RIMS2: variants seen among roughly 807,000 people sequenced by gnomAD.
RIMS2 encodes regulating synaptic membrane exocytosis 2, also known as regulating synaptic membrane exocytosis protein 2.
Under a neutral mutation model 174.4 loss-of-function variants are expected in RIMS2, and 59 were observed. That is an observed-to-expected ratio of 0.34 (90% CI 0.27 to 0.42). The LOEUF is 0.42. Ranked by LOEUF, RIMS2 falls within the 10% of genes least tolerant of loss-of-function variation. The pLI, the probability that RIMS2 is intolerant of heterozygous loss-of-function variation, is 1.00. For synonymous variants in RIMS2, 606 were observed against 572.5 expected, an observed-to-expected ratio of 1.06 and a Z score of -0.84; for missense variants, 1,620 against 1,666.3, an observed-to-expected ratio of 0.97 and a Z score of 0.48.
chr8:103,886,270 T>A (rs752590865), intron 4 of RIMS2, 47 bp downstream of exon 7: 1 of 1,460,416 alleles, frequency 6.8e-7, no homozygotes, highest in Non-Finnish European at 9.2e-7. Flanking sequence ...TAGATAAGCG[T>A]TTTTTTTAAT....
At chr8:104,114,090 T>C (rs980895849) in intron 19 of RIMS2, among the ~76,000 whole-genome samples, 1 of 152,080 alleles carries the variant, frequency 6.6e-6, no homozygotes, top group Non-Finnish European at 1.5e-5. Context: ...ATTGTTCTGA[T>C]ATTAGAATTC....
intron 3 of RIMS2, among the ~76,000 whole-genome samples, chr8:103,800,234 AG>A (rs2098597221): frequency 6.6e-6 from 1 of 151,128 alleles, no homozygotes; most frequent in Non-Finnish European, 1.5e-5. Flanking sequence ...TTTTTTTTTT[AG>A]GTTTTTTGGC....
At chr8:104,050,852 CA>C (rs2096773737) in intron 19 of RIMS2, among the ~76,000 whole-genome samples, 1 of 152,076 alleles carries the variant, frequency 6.6e-6, no homozygotes, top group African/African-American at 2.4e-5. Flanking sequence ...TTCATTAGAA[CA>C]TAGTGAATTT....
At chr8:104,122,082 G>A (rs1336126060) in intron 19 of RIMS2, among the ~76,000 whole-genome samples, 5 of 152,100 alleles carry the variant, frequency 3.3e-5, no homozygotes, top group Non-Finnish European at 5.9e-5. Flanking sequence ...CAAAATATTG[G>A]GTATAAGATG....
At chr8:103,987,864 A>G (rs189584420) in intron 16 of RIMS2, among the ~76,000 whole-genome samples, 51 of 152,358 alleles carry the variant, frequency 3.3e-4, no homozygotes, top group African/African-American at 1.2e-3. Flanking sequence ...AAAGTATCCA[A>G]CAATTCATGT....
intron 1 of RIMS2, among the ~76,000 whole-genome samples, chr8:103,583,922 C>T (rs915819891): frequency 2.6e-5 from 4 of 152,074 alleles, no homozygotes; most frequent in Non-Finnish European, 5.9e-5. Context: ...GGGATAATAA[C>T]AACTTCCCAA....
At chr8:104,168,444 T>C (rs115039643) in intron 19 of RIMS2, among the ~76,000 whole-genome samples, 81 of 152,208 alleles carry the variant, frequency 5.3e-4, no homozygotes, top group African/African-American at 1.8e-3. Flanking sequence ...AGGGATTGGG[T>C]TGTTCATTTG....
chr8:103,715,304 A>T (rs1480213092), intron 2 of RIMS2, among the ~76,000 whole-genome samples: 1 of 152,082 alleles, frequency 6.6e-6, no homozygotes, highest in Non-Finnish European at 1.5e-5. Flanking sequence ...ATTTTTCCTG[A>T]TGCTTTACGT....
At position 103,875,805 on chromosome 8, in the gene RIMS2, T is replaced by C. The variant is rs1156949177; in HGVS notation, c.699-9493T>C. On this transcript the variant is annotated intron_variant, in intron 3 of 23. Transcript: ENST00000504942. ...CTGACTGTTTAATAATGGCCATTCTTGACTGGGGTAAGATGGTATCTCACT... is the reference window on the plus strand; with the variant it reads ...CTGACTGTTTAATAATGGCCATTCTCGACTGGGGTAAGATGGTATCTCACT... Among the ~76,000 whole-genome samples the C allele has an allele frequency of 3.9e-5, 6 of 152,038 alleles. No homozygotes were observed. In the East Asian group the frequency reaches 1.2e-3, roughly 29 times the overall value.
intron 1 of RIMS2, among the ~76,000 whole-genome samples, chr8:103,672,201 C>G (rs1590063590): frequency 6.6e-6 from 1 of 151,506 alleles, no homozygotes; most frequent in African/African-American, 2.4e-5. Context: ...CTTCTGTCTT[C>G]TATTGTTTTT....
intron 1 of RIMS2, among the ~76,000 whole-genome samples, chr8:103,525,748 G>A (rs1833681997): frequency 6.6e-6 from 1 of 152,098 alleles, no homozygotes; most frequent in Non-Finnish European, 1.5e-5. Context: ...ATATGTAATA[G>A]GCACTATGAT....
intron 3 of RIMS2, among the ~76,000 whole-genome samples, chr8:103,790,343 A>G (rs1445545295): frequency 6.6e-6 from 1 of 152,246 alleles, no homozygotes; most frequent in Non-Finnish European, 1.5e-5. Flanking sequence ...TCATAAAAAT[A>G]GTATCATGCA....
At chr8:103,999,617 A>G (rs943177223) in intron 17 of RIMS2, among the ~76,000 whole-genome samples, 21 of 151,764 alleles carry the variant, frequency 1.4e-4, no homozygotes, top group Admixed American at 1.1e-3. Context: ...ACATACATGA[A>G]TGAGACATTA....
intron 1 of RIMS2, among the ~76,000 whole-genome samples, chr8:103,552,478 C>A (rs1318816097): frequency 1.3e-5 from 2 of 152,114 alleles, no homozygotes; most frequent in South Asian, 2.1e-4. Context: ...AAATGTTAGA[C>A]CTAAAACCAT....
intron 9 of RIMS2, chr8:103,921,036 CAACAACAACAAA>C (rs1346883320): frequency 2.2e-5 from 5 of 228,290 alleles, no homozygotes; most frequent in South Asian, 5.2e-5. Flanking sequence ...ACAACAACAA[CAACAACAACAAA>C]AACAGGTCTT....
At chr8:104,093,237 C>A (rs79069426) in intron 19 of RIMS2, among the ~76,000 whole-genome samples, 1 of 151,894 alleles carries the variant, frequency 6.6e-6, no homozygotes, top group South Asian at 2.1e-4. Flanking sequence ...ATTTTAATGG[C>A]CTTCACTGGG....
At chr8:103,641,885 T>G (rs2096239490) in intron 1 of RIMS2, among the ~76,000 whole-genome samples, 1 of 152,124 alleles carries the variant, frequency 6.6e-6, no homozygotes, top group Admixed American at 6.6e-5. Flanking sequence ...TTAGAAAGTC[T>G]GCAGAACTAT....
chr8:103,719,380 T>C (rs1564398158), intron 2 of RIMS2, among the ~76,000 whole-genome samples: 1 of 152,210 alleles, frequency 6.6e-6, no homozygotes, highest in Non-Finnish European at 1.5e-5. Context: ...AGATATGCAG[T>C]ATGCAGCAGG....
At chr8:103,819,864 G>T (rs1282898871) in intron 3 of RIMS2, among the ~76,000 whole-genome samples, 1 of 152,046 alleles carries the variant, frequency 6.6e-6, no homozygotes. Context: ...ACGTAATACA[G>T]ATATCAGGCT....
Sources: allele counts gnomAD v4.1 joint callset (sites outside exome capture counted in the v4.1 genomes callset), GRCh38; gene constraint gnomAD v4.1.1; transcripts MANE v1.5; gene names NCBI Gene and HGNC (gene_info 2026-07-23, HGNC 2026-07-21).